ZDHHC15: variants seen among roughly 807,000 people sequenced by gnomAD.
The protein encoded by ZDHHC15 is palmitoyltransferase ZDHHC15.
A neutral mutation model predicts 31.7 loss-of-function variants in ZDHHC15; 19 were observed. That is an observed-to-expected ratio of 0.60 (90% CI 0.42 to 0.88). The LOEUF (loss-of-function observed/expected upper bound fraction) is 0.88, where lower values mean the gene tolerates loss of function less well. Among genes scored for constraint, ZDHHC15 ranks in the 40% least tolerant of loss-of-function variants. The probability of loss-of-function intolerance (pLI) is 0.00; values close to 1 mark genes in which losing one functional copy is unlikely to be tolerated. For synonymous variants in ZDHHC15, 103 were observed against 90.0 expected (o/e 1.14, Z -0.82); for missense variants, 209 against 251.2 (o/e 0.83, Z 1.14).
chrX:75,401,128 A>C (rs1233298864), intron 10 of ZDHHC15, among the ~76,000 whole-genome samples: 1 of 95,494 alleles, frequency 1.0e-5, no homozygotes, highest in Non-Finnish European at 2.1e-5. Flanking sequence ...CTGGGGTCTG[A>C]CTGCACATGG....
chrX:75,432,967 G>C (rs780386577), intron 4 of ZDHHC15, among the ~76,000 whole-genome samples: 3 of 110,379 alleles, frequency 2.7e-5, no homozygotes, highest in South Asian at 3.9e-4. Context: ...CTGGGCGATA[G>C]AGCAAGATCC....
chrX:75,490,973 A>G (rs1255439490), intron 2 of ZDHHC15, among the ~76,000 whole-genome samples: 3 of 111,691 alleles, frequency 2.7e-5, no homozygotes, highest in Non-Finnish European at 5.6e-5. Flanking sequence ...AAGTCAGGAA[A>G]CAACAGGTAC....
chrX:75,484,236 T>A (rs1415576497), intron 2 of ZDHHC15, among the ~76,000 whole-genome samples: 2 of 111,605 alleles, frequency 1.8e-5, no homozygotes, highest in Non-Finnish European at 3.8e-5. Context: ...TTTCCTCATA[T>A]CAAGTATATA....
At position 75,370,173 on chromosome X, in the gene ZDHHC15, G is replaced by A. The variant is rs2082992584; in HGVS notation, c.*2805C>T. On this transcript the variant is annotated 3_prime_UTR_variant, in exon 12 of 12. Transcript: ENST00000373367. ...TAAAGACATATAAGAGCACTAGAAA[G>A]TGACATAGCACCCTTCAGCAGTAGG... The A allele has an allele frequency of 1.8e-5, 2 of 111,625 alleles. No homozygotes were observed. The highest frequency in any genetic ancestry group is 6.5e-5 in the African/African-American group (2 of 30,726). The allele number at this position is 111,625 out of a possible 1,213,427, so 9.2% of individuals were successfully genotyped here.
chrX:75,443,328 T>C (rs1396883393), intron 4 of ZDHHC15, among the ~76,000 whole-genome samples: 3 of 110,858 alleles, frequency 2.7e-5, no homozygotes, highest in Non-Finnish European at 5.7e-5. Flanking sequence ...TCTACAACTA[T>C]CTGATCTTTG....
intron 10 of ZDHHC15, among the ~76,000 whole-genome samples, chrX:75,414,033 T>G (rs1318634342): frequency 8.9e-6 from 1 of 111,812 alleles, no homozygotes; most frequent in East Asian, 2.8e-4. Flanking sequence ...AATCTTTAAT[T>G]TTCATTATGT....
chrX:75,452,519 C>T (rs1315009306), intron 3 of ZDHHC15, among the ~76,000 whole-genome samples: 2 of 111,493 alleles, frequency 1.8e-5, no homozygotes, highest in Admixed American at 1.9e-4. Flanking sequence ...GACTTGAACT[C>T]AGCTCTGCAC....
At chrX:75,376,030 A>G (rs1363917080) in intron 11 of ZDHHC15, among the ~76,000 whole-genome samples, 1 of 111,757 alleles carries the variant, frequency 8.9e-6, no homozygotes, top group Non-Finnish European at 1.9e-5. Flanking sequence ...TCAACAGTGT[A>G]TAAGCATACC....
intron 10 of ZDHHC15, among the ~76,000 whole-genome samples, chrX:75,389,754 C>T (rs971389218): frequency 1.4e-4 from 15 of 110,076 alleles, no homozygotes; most frequent in African/African-American, 4.6e-4. Flanking sequence ...CAGAGATATG[C>T]TACCTTTAGG....
intron 3 of ZDHHC15, among the ~76,000 whole-genome samples, chrX:75,473,193 C>T (rs752238764): frequency 4.0e-4 from 45 of 111,942 alleles, no homozygotes; most frequent in Non-Finnish European, 7.5e-4. Context: ...ATTGATAGAA[C>T]AGTGGAATAG....
chrX:75,409,567 C>A (rs1188273423), intron 10 of ZDHHC15, among the ~76,000 whole-genome samples: 79 of 101,515 alleles, frequency 7.8e-4, no homozygotes, highest in Admixed American at 1.7e-3. Context: ...GAGGCTGAGG[C>A]GGGCGGATCA....
intron 11 of ZDHHC15, among the ~76,000 whole-genome samples, chrX:75,373,325 T>A (rs1008674905): frequency 1.8e-5 from 2 of 111,340 alleles, no homozygotes; most frequent in Non-Finnish European, 3.8e-5. Context: ...GCTTTGAAAT[T>A]GGGCAATTAT....
intron 10 of ZDHHC15, among the ~76,000 whole-genome samples, chrX:75,391,683 ACAG>A (rs1203380669): frequency 2.7e-5 from 3 of 112,515 alleles, no homozygotes; most frequent in African/African-American, 9.7e-5. Flanking sequence ...TGAAGCATCA[ACAG>A]CAGAAGTGTT....
At chrX:75,496,343 C>G (rs1288882648) in intron 2 of ZDHHC15, among the ~76,000 whole-genome samples, 1 of 111,310 alleles carries the variant, frequency 9.0e-6, no homozygotes. Context: ...CTTGTGCTCC[C>G]AAATTTATGA....
intron 7 of ZDHHC15, among the ~76,000 whole-genome samples, chrX:75,425,129 A>T (rs1467413975): frequency 9.0e-6 from 1 of 111,238 alleles, no homozygotes; most frequent in African/African-American, 3.3e-5. Flanking sequence ...TGAGATCTTG[A>T]AGTCATATGC....
Position 75,498,528 on chromosome X carries a change from C to T in ZDHHC15, c.163+7293G>A, listed in dbSNP as rs192806916. 7.1e-4 allele frequency among the ~76,000 whole-genome samples: 79 copies of T among 111,372 alleles called. No individual in the cohort carries two copies. The East Asian group carries it at 0.015, about 21-fold the overall frequency. Reference sequence around the variant, plus strand: ...GCTGAGAATCAAATCAAGAACTCAACCCCTTTTACAATAACTGAATAAAGC... The same window carrying T: ...GCTGAGAATCAAATCAAGAACTCAATCCCTTTTACAATAACTGAATAAAGC... On this transcript the variant is annotated intron_variant, in intron 2 of 11. Coordinates refer to ENST00000373367, the MANE Select transcript of ZDHHC15 (RefSeq NM_144969.3).
chrX:75,438,045 C>G (rs2083888005), intron 4 of ZDHHC15, among the ~76,000 whole-genome samples: 1 of 112,049 alleles, frequency 8.9e-6, no homozygotes, highest in Non-Finnish European at 1.9e-5. Flanking sequence ...CCATCACTGG[C>G]CATCAGAGAA....
At chrX:75,385,151 G>T (rs1013083196) in intron 10 of ZDHHC15, among the ~76,000 whole-genome samples, 1 of 111,665 alleles carries the variant, frequency 9.0e-6, no homozygotes, top group African/African-American at 3.3e-5. Context: ...TGACTGGGAG[G>T]TGATTGCACA....
chrX:75,442,745 G>T (rs1422913389), intron 4 of ZDHHC15, among the ~76,000 whole-genome samples: 1 of 110,798 alleles, frequency 9.0e-6, no homozygotes, highest in East Asian at 2.9e-4. Flanking sequence ...CCAGCACTTT[G>T]GGAGGCCGAG....
Sources: allele counts gnomAD v4.1 joint callset (sites outside exome capture counted in the v4.1 genomes callset), GRCh38; gene constraint gnomAD v4.1.1; transcripts MANE v1.5; gene names NCBI Gene and HGNC (gene_info 2026-07-23, HGNC 2026-07-21).